The following DIP2B variants were observed in gnomAD, a reference collection of about 807,000 sequenced individuals.
DIP2B encodes DIP2 acetate--CoA ligase B (putative).
In DIP2B, 76 loss-of-function variants were observed where a neutral mutation model predicts 198.0. The ratio of observed to expected loss-of-function variants is 0.38; its 90% CI spans 0.32 to 0.46. DIP2B has a LOEUF of 0.46. Among genes scored for constraint, DIP2B ranks in the 20% least tolerant of loss-of-function variants. DIP2B has a pLI of 0.99. For synonymous variants in DIP2B, 701 were observed against 739.1 expected (o/e 0.95, Z 0.84); for missense variants, 1,559 against 1,978.4 (o/e 0.79, Z 4.02).
intron 3 of DIP2B, among the ~76,000 whole-genome samples, chr12:50,654,178 C>T (rs944437634): frequency 1.3e-5 from 2 of 151,992 alleles, no homozygotes; most frequent in African/African-American, 4.8e-5. Flanking sequence ...CCAGCACCTT[C>T]TGCTAATTTT....
intron 3 of DIP2B, among the ~76,000 whole-genome samples, chr12:50,643,043 T>A (rs1230743393): frequency 1.3e-5 from 2 of 151,800 alleles, no homozygotes; most frequent in Non-Finnish European, 1.5e-5. Flanking sequence ...TGTGTGTGTG[T>A]GAGTGTGTGT....
chr12:50,723,145 T>G (rs1939872023), intron 26 of DIP2B, 57 bp from the exon 27 acceptor site: 4 of 1,590,078 alleles, frequency 2.5e-6, no homozygotes, highest in Non-Finnish European at 3.4e-6. Flanking sequence ...GCCTTTTAGT[T>G]TCTCAGTGCT....
Position 50,738,516 on chromosome 12 carries a change from C to G in DIP2B, c.4177-893C>G, listed in dbSNP as rs369248393. Reference sequence around the variant, plus strand: ...TTTTTTTTTCTGAGACAGTGTATTGCTCTGTCACCCAGGCTGGAATGCAGT... The same window carrying G: ...TTTTTTTTTCTGAGACAGTGTATTGGTCTGTCACCCAGGCTGGAATGCAGT... On this transcript the variant is annotated intron_variant, in intron 35 of 37. Transcript: ENST00000301180. 9.2e-5 allele frequency among the ~76,000 whole-genome samples: 14 copies of G among 152,210 alleles called. No individual in the cohort carries two copies. In the East Asian group the frequency reaches 1.4e-3, roughly 15 times the overall value.
intron 3 of DIP2B, among the ~76,000 whole-genome samples, chr12:50,649,238 A>G (rs1938410955): frequency 6.6e-6 from 1 of 152,206 alleles, no homozygotes; most frequent in African/African-American, 2.4e-5. Flanking sequence ...TAGAGTTAGA[A>G]AACTCATTTT....
At chr12:50,709,582 G>T (rs1304221003) in intron 22 of DIP2B, among the ~76,000 whole-genome samples, 1 of 151,518 alleles carries the variant, frequency 6.6e-6, no homozygotes, top group Non-Finnish European at 1.5e-5. Context: ...AGCTTGCAGT[G>T]AGCCGAGATC....
At chr12:50,555,274 C>T (rs1958460638) in intron 1 of DIP2B, among the ~76,000 whole-genome samples, 1 of 152,172 alleles carries the variant, frequency 6.6e-6, no homozygotes, top group African/African-American at 2.4e-5. Context: ...CTGTTTATAA[C>T]GTTTTGCCAC....
chr12:50,721,563 C>G (rs754955430), intron 26 of DIP2B, among the ~76,000 whole-genome samples, 167 bp downstream of exon 26: 2 of 152,176 alleles, frequency 1.3e-5, no homozygotes, highest in African/African-American at 4.8e-5. Context: ...TCCTCACCCC[C>G]CAAGTTGTGC....
At chr12:50,709,276 G>T (rs552033692) in intron 22 of DIP2B, among the ~76,000 whole-genome samples, 23 of 152,308 alleles carry the variant, frequency 1.5e-4, no homozygotes, top group African/African-American at 5.5e-4. Flanking sequence ...TATAGTACCT[G>T]CACTCAGTAA....
chr12:50,699,030 A>T (rs753824932), intron 18 of DIP2B, 36 bp from the exon 19 acceptor site: 1 of 1,602,572 alleles, frequency 6.2e-7, no homozygotes, highest in African/African-American at 1.3e-5. Flanking sequence ...GTTTTCTAGA[A>T]TCTTTGTCCT....
intron 25 of DIP2B, among the ~76,000 whole-genome samples, chr12:50,719,648 C>G (rs1329686162): frequency 6.6e-6 from 1 of 151,844 alleles, no homozygotes; most frequent in Admixed American, 6.6e-5. Context: ...TCAAGACTAG[C>G]CTGACCAACA....
At chr12:50,601,583 C>T (rs553538815) in intron 1 of DIP2B, among the ~76,000 whole-genome samples, 1 of 152,258 alleles carries the variant, frequency 6.6e-6, no homozygotes, top group South Asian at 2.1e-4. Context: ...CGTGATCCGC[C>T]CACCTCGGCC....
intron 14 of DIP2B, 62 bp from the exon 15 acceptor site, chr12:50,695,205 A>G: frequency 7.2e-7 from 1 of 1,385,710 alleles, no homozygotes; most frequent in Non-Finnish European, 1.0e-6. Context: ...ATACCAGCTC[A>G]ATTTTAAAAT....
At position 50,515,256 on chromosome 12, in the gene DIP2B, A is replaced by G. The variant is rs551781200; in HGVS notation, c.100+10016A>G. 3.6e-3 allele frequency among the ~76,000 whole-genome samples: 358 copies of G among 98,282 alleles called. 1 individual carries two copies. The highest frequency in any genetic ancestry group is 4.6e-3 in the Non-Finnish European group (215 of 46,860). The allele number at this position is 98,282 out of a possible 152,430, so 64.5% of individuals were successfully genotyped here. A position where few individuals can be genotyped will look rare whatever the true frequency, so the allele number is the denominator to read the frequency against. ...CTGTGGACCTTTTTTTTTTTTTTTT[A>G]TGGAATCTCACCCTGTTTCCTAGGC... On this transcript the variant is annotated intron_variant, in intron 1 of 37. Transcript: ENST00000301180.
chr12:50,557,367 A>C (rs1958480623), intron 1 of DIP2B, among the ~76,000 whole-genome samples: 1 of 152,208 alleles, frequency 6.6e-6, no homozygotes, highest in African/African-American at 2.4e-5. Flanking sequence ...GTGCATGGAC[A>C]CAGGCAGGAG....
chr12:50,730,139 C>G (rs1940012703), intron 30 of DIP2B, among the ~76,000 whole-genome samples: 1 of 152,134 alleles, frequency 6.6e-6, no homozygotes, highest in Non-Finnish European at 1.5e-5. Context: ...CTCGTATCAC[C>G]AATCCCTACT....
intron 1 of DIP2B, among the ~76,000 whole-genome samples, chr12:50,542,607 A>G (rs1390274159): frequency 6.6e-6 from 1 of 152,198 alleles, no homozygotes; most frequent in Non-Finnish European, 1.5e-5. Context: ...CCACACCTAG[A>G]AACCTTGACA....
At chr12:50,662,773 C>T (rs1163132679) in intron 4 of DIP2B, among the ~76,000 whole-genome samples, 1 of 152,058 alleles carries the variant, frequency 6.6e-6, no homozygotes, top group Non-Finnish European at 1.5e-5. Context: ...TTAATCATTG[C>T]CATTAAAGTC....
At chr12:50,519,664 C>T (rs1958097886) in intron 1 of DIP2B, among the ~76,000 whole-genome samples, 2 of 152,138 alleles carry the variant, frequency 1.3e-5, no homozygotes, top group African/African-American at 2.4e-5. Flanking sequence ...GTTATTGATT[C>T]TGGGTTGTAC....
intron 4 of DIP2B, among the ~76,000 whole-genome samples, chr12:50,667,043 A>AT (rs1938767071): frequency 6.6e-6 from 1 of 152,134 alleles, no homozygotes; most frequent in Admixed American, 6.6e-5. Flanking sequence ...TAAGTTTTGC[A>AT]TTTTTTGTAG....
Sources: allele counts gnomAD v4.1 joint callset (sites outside exome capture counted in the v4.1 genomes callset), GRCh38; gene constraint gnomAD v4.1.1; transcripts MANE v1.5; gene names NCBI Gene and HGNC (gene_info 2026-07-23, HGNC 2026-07-21).